The following CTNNA2 variants were observed in gnomAD, a reference collection of about 807,000 sequenced individuals.
CTNNA2 encodes the protein catenin alpha-2.
In CTNNA2, 42 loss-of-function variants were observed where a neutral mutation model predicts 101.0. The ratio of observed to expected loss-of-function variants is 0.42; its 90% CI spans 0.32 to 0.54. The LOEUF (loss-of-function observed/expected upper bound fraction) is 0.54, where lower values mean the gene tolerates loss of function less well. CTNNA2 is among the 20% of genes least tolerant of loss of function. The probability of loss-of-function intolerance (pLI) is 0.14; values close to 1 mark genes in which losing one functional copy is unlikely to be tolerated. For missense variants in CTNNA2, 871 were observed against 1,223.1 expected (o/e 0.71, Z 4.29); for synonymous variants, 450 against 456.4 (o/e 0.99, Z 0.18).
At chr2:79,509,815 G>A (rs887600620), upstream of CTNNA2, among the ~76,000 whole-genome samples, 3 of 152,140 alleles carry the variant, frequency 2.0e-5, no homozygotes, top group East Asian at 3.9e-4. Context: ...TGTGGTCCAG[G>A]GGTTGATCAC....
At chr2:79,436,076 G>A (rs1678709953) in intron 4 of CTNNA2, among the ~76,000 whole-genome samples, 1 of 152,136 alleles carries the variant, frequency 6.6e-6, no homozygotes, top group Admixed American at 6.5e-5. Context: ...GCAGAACCAG[G>A]AATCTACATT....
chr2:79,628,589 C>T (rs1475423520), intron 1 of CTNNA2, among the ~76,000 whole-genome samples: 1 of 152,114 alleles, frequency 6.6e-6, no homozygotes, highest in Non-Finnish European at 1.5e-5. Flanking sequence ...AATGTGCAGT[C>T]CTAACTGAAT....
intron 13 of CTNNA2, among the ~76,000 whole-genome samples, chr2:80,575,604 G>T (rs1057189016): frequency 6.6e-6 from 1 of 152,086 alleles, no homozygotes; most frequent in Non-Finnish European, 1.5e-5. Context: ...TAGACCATGA[G>T]AATTGTATTT....
chr2:79,860,546 GTTT>G (rs56929879), intron 4 of CTNNA2, among the ~76,000 whole-genome samples: 2 of 107,178 alleles, frequency 1.9e-5, no homozygotes, highest in East Asian at 3.6e-4. Context: ...AGTAAGGGAA[GTTT>G]TTTTTTTTTT....
intron 2 of CTNNA2, among the ~76,000 whole-genome samples, chr2:79,663,648 G>A (rs1682197564): frequency 6.6e-6 from 1 of 151,886 alleles, no homozygotes; most frequent in African/African-American, 2.4e-5. Flanking sequence ...TTTTTTTAAA[G>A]TACATGCCTC....
chr2:80,300,324 G>C (rs1035380780), intron 7 of CTNNA2, among the ~76,000 whole-genome samples: 2 of 143,552 alleles, frequency 1.4e-5, no homozygotes, highest in Non-Finnish European at 3.0e-5. Flanking sequence ...GTGTGTGTGT[G>C]TGTGTGTGTA....
intron 3 of CTNNA2, among the ~76,000 whole-genome samples, chr2:79,821,050 A>C (rs544681745): frequency 2.0e-5 from 3 of 152,270 alleles, no homozygotes; most frequent in Admixed American, 2.0e-4. Flanking sequence ...TAATGGCACA[A>C]AAATTGGTAA....
chr2:79,870,901 A>G (rs2104030031), intron 5 of CTNNA2, among the ~76,000 whole-genome samples: 1 of 152,234 alleles, frequency 6.6e-6, no homozygotes, highest in African/African-American at 2.4e-5. Context: ...TGTGGGGTTT[A>G]CAATTCAAGA....
chr2:79,285,300 T>C (rs1257233069), intron 2 of CTNNA2, among the ~76,000 whole-genome samples: 2 of 150,600 alleles, frequency 1.3e-5, no homozygotes, highest in Admixed American at 1.3e-4. Context: ...TGCTAGCTTT[T>C]GAATGTGTTT....
chr2:79,442,415 T>A (rs1678786791), intron 4 of CTNNA2, among the ~76,000 whole-genome samples: 1 of 152,190 alleles, frequency 6.6e-6, no homozygotes, highest in Admixed American at 6.6e-5. Context: ...GTAGAGCCTG[T>A]TTCTGAAAGC....
At chr2:80,556,674 A>G (rs1483277793) in intron 12 of CTNNA2, among the ~76,000 whole-genome samples, 1 of 152,110 alleles carries the variant, frequency 6.6e-6, no homozygotes, top group Non-Finnish European at 1.5e-5. Flanking sequence ...TCCCCTCTTG[A>G]CCAATGTCTT....
intron 15 of CTNNA2, among the ~76,000 whole-genome samples, chr2:80,595,000 C>T (rs958217282): frequency 2.0e-5 from 3 of 151,936 alleles, no homozygotes; most frequent in African/African-American, 7.3e-5. Context: ...CCTTGAGAGT[C>T]CATGTGAATT....
intron 2 of CTNNA2, among the ~76,000 whole-genome samples, chr2:79,670,773 G>A (rs571029672): frequency 1.3e-5 from 2 of 152,274 alleles, no homozygotes; most frequent in South Asian, 2.1e-4. Flanking sequence ...TAACGCTTTT[G>A]CTCTGGATCA....
At chr2:80,439,467 C>T (rs1206978367) in intron 9 of CTNNA2, among the ~76,000 whole-genome samples, 1 of 152,126 alleles carries the variant, frequency 6.6e-6, no homozygotes, top group Non-Finnish European at 1.5e-5. Flanking sequence ...GGCGTGATCT[C>T]AGCTCACTGC....
At chr2:80,591,938 C>A (rs1386064819) in intron 15 of CTNNA2, among the ~76,000 whole-genome samples, 1 of 152,044 alleles carries the variant, frequency 6.6e-6, no homozygotes, top group Non-Finnish European at 1.5e-5. Flanking sequence ...ATCTCATGGA[C>A]AATGGCAGAA....
At chr2:79,800,891 G>T (rs1186965486) in intron 3 of CTNNA2, among the ~76,000 whole-genome samples, 1 of 152,200 alleles carries the variant, frequency 6.6e-6, no homozygotes, top group Non-Finnish European at 1.5e-5. Context: ...AGGTGTCATA[G>T]AAAGTGGTTA....
intron 2 of CTNNA2, among the ~76,000 whole-genome samples, chr2:79,205,962 G>T (rs2104190267): frequency 6.6e-6 from 1 of 152,150 alleles, no homozygotes; most frequent in South Asian, 2.1e-4. Context: ...TTTCCCATTA[G>T]ACTTCAAAGC....
At chr2:80,477,765 C>G (rs1685841085) in intron 9 of CTNNA2, among the ~76,000 whole-genome samples, 1 of 145,370 alleles carries the variant, frequency 6.9e-6, no homozygotes, top group African/African-American at 2.8e-5. Context: ...GTGTGTGTAT[C>G]TCACATTTTC....
chr2:79,496,485 T>C (rs1259502991), intron 4 of CTNNA2, among the ~76,000 whole-genome samples: 1 of 152,088 alleles, frequency 6.6e-6, no homozygotes, highest in Non-Finnish European at 1.5e-5. Flanking sequence ...ATGGTGTTCT[T>C]TGACAAATTT....
Sources: gnomAD v4.1 joint callset for allele counts (sites outside exome capture counted in the v4.1 genomes callset) on GRCh38, gnomAD v4.1.1 for gene constraint, MANE v1.5 for transcripts, NCBI Gene and HGNC (gene_info 2026-07-23, HGNC 2026-07-21) for gene names.